TTC23L: variants seen among roughly 807,000 people sequenced by gnomAD.
TTC23L encodes tetratricopeptide repeat protein 23-like.
Under a neutral mutation model 48.1 loss-of-function variants are expected in TTC23L, and 42 were observed. The ratio of observed to expected loss-of-function variants is 0.87; its 90% CI spans 0.68 to 1.13. TTC23L has a LOEUF of 1.13. TTC23L is among the 50% of genes most tolerant of loss of function. The pLI, the probability that TTC23L is intolerant of heterozygous loss-of-function variation, is 0.00. For missense variants in TTC23L, 391 were observed against 421.0 expected, an observed-to-expected ratio of 0.93 and a Z score of 0.62; for synonymous variants, 159 against 157.2, an observed-to-expected ratio of 1.01 and a Z score of -0.09.
At chr5:34,914,611 ATT>A in the TTC23L span, 1 of 1,303,320 alleles carries the variant, frequency 7.7e-7, no homozygotes, top group Admixed American at 1.8e-5. Context: ...CTATTAAGTT[ATT>A]TTGTCTACTG....
At chr5:34,916,966 G>A in the TTC23L span, among the ~76,000 whole-genome samples, 11 of 152,164 alleles carry the variant, frequency 7.2e-5, no homozygotes, top group Non-Finnish European at 1.2e-4. Context: ...GAGCTAGGTA[G>A]TATCTATAAT....
At chr5:34,846,415 C>T (rs1759143191) in intron 3 of TTC23L, among the ~76,000 whole-genome samples, 1 of 150,718 alleles carries the variant, frequency 6.6e-6, no homozygotes, top group South Asian at 2.1e-4. Context: ...CAAAAATTAG[C>T]CAGGCGTGGT....
At chr5:34,881,114 A>G (rs964257458) in intron 9 of TTC23L, among the ~76,000 whole-genome samples, 1 of 152,190 alleles carries the variant, frequency 6.6e-6, no homozygotes, top group African/African-American at 2.4e-5. Flanking sequence ...GAATATTAGT[A>G]AAAAAATATT....
At chr5:34,850,263 G>A in exon 4 of TTC23L, 3 of 1,613,916 alleles carry the variant, frequency 1.9e-6, no homozygotes, top group Non-Finnish European at 2.5e-6. Context: ...CTGGAAATGT[G>A]CACGAGCTCT....
chr5:34,899,180 G>A (rs1763410881), intron 10 of TTC23L, among the ~76,000 whole-genome samples: 1 of 152,176 alleles, frequency 6.6e-6, no homozygotes, highest in African/African-American at 2.4e-5. Context: ...CGAGACTCTA[G>A]TAAGATTTTA....
At chr5:34,914,776 A>T in the TTC23L span, 1 of 1,614,192 alleles carries the variant, frequency 6.2e-7, no homozygotes, top group Non-Finnish European at 8.5e-7. Flanking sequence ...AACACGTGGC[A>T]TGTTCTCGGA....
chr5:34,902,242 C>A (rs561185187), downstream of TTC23L, among the ~76,000 whole-genome samples: 2 of 152,066 alleles, frequency 1.3e-5, no homozygotes, highest in African/African-American at 4.8e-5. Flanking sequence ...CTGGCCAACA[C>A]GGCTCTCTAC....
In TTC23L at chr5:34,850,222, TC is replaced by T; in HGVS notation, c.295del (p.Leu99PhefsTer20). ...AACAAGGAGCTGATTCGATGTGTCA[TC>T]CTTTCTCGGATTATTTTTGGGGACC... is the stretch of plus-strand genomic sequence containing the variant. On this transcript the variant is annotated frameshift_variant, in exon 4 of 11. Coordinates refer to ENST00000505624, the Ensembl canonical transcript of TTC23L. LOFTEE classifies it high-confidence loss of function. The T allele has an allele frequency of 6.2e-7, 1 of 1,613,934 alleles. No individual in the cohort carries two copies. The highest frequency in any genetic ancestry group is 8.5e-7 in the Non-Finnish European group (1 of 1,179,824).
chr5:34,858,073 A>C (rs745537330), intron 4 of TTC23L, among the ~76,000 whole-genome samples: 4 of 152,204 alleles, frequency 2.6e-5, no homozygotes, highest in Admixed American at 6.5e-5. Context: ...TTTGTTGGAC[A>C]ATCTTTGGAC....
chr5:34,862,681 A>G (rs1480041786), intron 4 of TTC23L, among the ~76,000 whole-genome samples: 2 of 152,186 alleles, frequency 1.3e-5, no homozygotes, highest in African/African-American at 2.4e-5. Flanking sequence ...CCAATTCTCT[A>G]GAGATTCCCC....
At chr5:34,903,143 G>A (rs190128625), downstream of TTC23L, among the ~76,000 whole-genome samples, 180 of 152,194 alleles carry the variant, frequency 1.2e-3, no homozygotes, top group African/African-American at 4.2e-3. Context: ...CCTGCATTTG[G>A]ATTGTTTTTA....
chr5:34,876,921 G>T (rs1761878379), intron 8 of TTC23L, among the ~76,000 whole-genome samples: 1 of 151,746 alleles, frequency 6.6e-6, no homozygotes, highest in Non-Finnish European at 1.5e-5. Flanking sequence ...AAACCACCAA[G>T]GCATGTGTAT....
At chr5:34,915,379 T>C in the TTC23L span, 2 of 243,910 alleles carry the variant, frequency 8.2e-6, no homozygotes, top group Non-Finnish European at 1.6e-5. Context: ...ACAGCATCGC[T>C]TACTAGTCTC....
At chr5:34,904,509 G>A in the TTC23L span, among the ~76,000 whole-genome samples, 6 of 151,240 alleles carry the variant, frequency 4.0e-5, no homozygotes, top group South Asian at 2.1e-4. Flanking sequence ...CAGGAGAACC[G>A]CTTGAACCTG....
chr5:34,910,358 T>G, the TTC23L span, among the ~76,000 whole-genome samples: 1 of 152,166 alleles, frequency 6.6e-6, no homozygotes, highest in South Asian at 2.1e-4. Context: ...CCATTTTGGT[T>G]AACTTTCTCA....
chr5:34,878,453 T>C (rs987491269), intron 8 of TTC23L, among the ~76,000 whole-genome samples: 46 of 152,252 alleles, frequency 3.0e-4, no homozygotes, highest in African/African-American at 1.1e-3. Context: ...ACTTGATTTA[T>C]AGATTCAACT....
chr5:34,922,098 G>C, the TTC23L span: 1 of 535,156 alleles, frequency 1.9e-6, no homozygotes, highest in South Asian at 3.1e-5. Flanking sequence ...TTAGGCCTTT[G>C]TAGCCTATTA....
At chr5:34,888,431 C>T (rs2111764297) in intron 9 of TTC23L, 1 of 972,872 alleles carries the variant, frequency 1.0e-6, no homozygotes, top group African/African-American at 1.8e-5. Flanking sequence ...TTCTCTTTAA[C>T]CTGTTGTTTC....
intron 10 of TTC23L, among the ~76,000 whole-genome samples, chr5:34,897,258 G>A (rs1051649360): frequency 5.9e-5 from 9 of 152,022 alleles, no homozygotes; most frequent in Admixed American, 2.0e-4. Flanking sequence ...GGTAGCATGC[G>A]CCTGTAGTCC....
Sources: gnomAD v4.1 joint callset for allele counts (sites outside exome capture counted in the v4.1 genomes callset) on GRCh38, gnomAD v4.1.1 for gene constraint, MANE v1.5 for transcripts, NCBI Gene and HGNC (gene_info 2026-07-23, HGNC 2026-07-21) for gene names.